FBXL17: variants seen among roughly 807,000 people sequenced by gnomAD.
FBXL17 encodes the protein F-box/LRR-repeat protein 17.
Under a neutral mutation model 66.2 loss-of-function variants are expected in FBXL17, and 22 were observed. That is an observed-to-expected ratio of 0.33 (90% CI 0.24 to 0.47). The LOEUF is 0.47. Among genes scored for constraint, FBXL17 ranks in the 20% least tolerant of loss-of-function variants. The probability of loss-of-function intolerance (pLI) is 1.00; values close to 1 mark genes in which losing one functional copy is unlikely to be tolerated. For missense variants in FBXL17, 878 were observed against 948.2 expected (o/e 0.93, Z 0.97); for synonymous variants, 474 against 400.5 (o/e 1.18, Z -2.19).
intron 6 of FBXL17, among the ~76,000 whole-genome samples, chr5:108,097,006 G>T (rs1749393697): frequency 6.6e-6 from 1 of 152,118 alleles, no homozygotes; most frequent in South Asian, 2.1e-4. Context: ...ATATGGTTTG[G>T]CTCTGTGTCC....
intron 4 of FBXL17, among the ~76,000 whole-genome samples, chr5:108,319,884 T>C (rs557220778): frequency 6.6e-6 from 1 of 151,834 alleles, no homozygotes; most frequent in South Asian, 2.1e-4. Context: ...AAGTGTGCAG[T>C]GAAAAATAAA....
intron 3 of FBXL17, among the ~76,000 whole-genome samples, chr5:108,363,842 CAAAGT>C (rs1356369387): frequency 1.3e-5 from 2 of 151,834 alleles, no homozygotes; most frequent in African/African-American, 4.8e-5. Flanking sequence ...AAATTTCCAT[CAAAGT>C]AAATAAAATC....
chr5:108,024,598 A>T (rs1409953058), intron 6 of FBXL17, among the ~76,000 whole-genome samples: 14 of 151,978 alleles, frequency 9.2e-5, no homozygotes, highest in African/African-American at 2.9e-4. Context: ...GAAGAGAATT[A>T]AAAAAAAGAC....
At chr5:108,210,872 T>C (rs188351546) in intron 5 of FBXL17, among the ~76,000 whole-genome samples, 1 of 152,226 alleles carries the variant, frequency 6.6e-6, no homozygotes, top group African/African-American at 2.4e-5. Context: ...TCCTTGTAAA[T>C]TTTCTGTCTC....
At chr5:107,897,684 C>T (rs1749428004) in intron 7 of FBXL17, among the ~76,000 whole-genome samples, 1 of 151,872 alleles carries the variant, frequency 6.6e-6, no homozygotes, top group African/African-American at 2.4e-5. Flanking sequence ...GTTCATTACA[C>T]ATGGTACTTT....
chr5:107,871,689 A>C (rs1245635937), intron 8 of FBXL17, among the ~76,000 whole-genome samples: 1 of 151,884 alleles, frequency 6.6e-6, no homozygotes, highest in Non-Finnish European at 1.5e-5. Flanking sequence ...AGGATGGAGA[A>C]AGTTGCTTGG....
chr5:107,869,127 ACTT>A (rs1748372122), intron 8 of FBXL17, among the ~76,000 whole-genome samples: 2 of 152,158 alleles, frequency 1.3e-5, no homozygotes, highest in Admixed American at 6.5e-5. Context: ...AGGGCTTGGG[ACTT>A]CACACTGGTC....
At chr5:108,228,934 G>T (rs1312603906) in intron 4 of FBXL17, among the ~76,000 whole-genome samples, 1 of 152,178 alleles carries the variant, frequency 6.6e-6, no homozygotes, top group Non-Finnish European at 1.5e-5. Flanking sequence ...AATTTAATTT[G>T]TTGGGTACAG....
At chr5:108,136,402 A>T (rs577686622) in intron 6 of FBXL17, among the ~76,000 whole-genome samples, 9 of 152,286 alleles carry the variant, frequency 5.9e-5, no homozygotes, top group African/African-American at 2.2e-4. Flanking sequence ...CAATGATAGC[A>T]AGTTTCTGTA....
intron 7 of FBXL17, among the ~76,000 whole-genome samples, chr5:107,935,859 T>G (rs993277077): frequency 1.3e-5 from 2 of 152,034 alleles, no homozygotes; most frequent in African/African-American, 4.8e-5. Flanking sequence ...CATAGCAACC[T>G]GAAAGGGTGG....
intron 6 of FBXL17, among the ~76,000 whole-genome samples, chr5:108,037,446 G>T (rs1276450481): frequency 6.6e-6 from 1 of 152,136 alleles, no homozygotes; most frequent in Non-Finnish European, 1.5e-5. Context: ...GGTAGATGAG[G>T]TAAACAATAT....
At chr5:108,368,167 G>A (rs984797057) in intron 1 of FBXL17, among the ~76,000 whole-genome samples, 13 of 152,046 alleles carry the variant, frequency 8.6e-5, no homozygotes, top group African/African-American at 3.1e-4. Context: ...TGTAAGAAGA[G>A]GAGGGGAAGA....
chr5:108,357,949 G>A (rs929227202), intron 3 of FBXL17, among the ~76,000 whole-genome samples: 2 of 152,080 alleles, frequency 1.3e-5, no homozygotes, highest in Non-Finnish European at 2.9e-5. Flanking sequence ...ACTTTTGGAT[G>A]CTGTTGTAAA....
At chr5:108,345,342 GAAAA>G (rs566110137) in intron 4 of FBXL17, among the ~76,000 whole-genome samples, 1 of 138,242 alleles carries the variant, frequency 7.2e-6, no homozygotes, top group Non-Finnish European at 1.6e-5. Flanking sequence ...ATCTCAAAAA[GAAAA>G]AAAAAAGAAA....
At chr5:108,108,338 T>A (rs1749890236) in intron 6 of FBXL17, among the ~76,000 whole-genome samples, 2 of 152,204 alleles carry the variant, frequency 1.3e-5, no homozygotes, top group Non-Finnish European at 2.9e-5. Flanking sequence ...ACTCCAGTGC[T>A]AACAATAGGG....
chr5:108,356,300 G>A (rs115419236), intron 3 of FBXL17, among the ~76,000 whole-genome samples: 5 of 152,200 alleles, frequency 3.3e-5, no homozygotes, highest in Non-Finnish European at 7.4e-5. Flanking sequence ...AAGACTCTTA[G>A]CACATGATCC....
chr5:107,975,857 G>GT (rs1554053909), intron 7 of FBXL17, among the ~76,000 whole-genome samples: 1,289 of 79,866 alleles, frequency 0.016, 12 homozygotes, highest in African/African-American at 0.025. Context: ...TGTTGTTGTT[G>GT]TTTTTTTTTT....
At chr5:108,212,502 T>C (rs760254788) in intron 5 of FBXL17, among the ~76,000 whole-genome samples, 5 of 152,138 alleles carry the variant, frequency 3.3e-5, no homozygotes, top group Admixed American at 6.6e-5. Context: ...TCGTGACCTC[T>C]GAATGGGGTC....
chr5:107,909,669 T>A (rs1749884707), intron 7 of FBXL17, among the ~76,000 whole-genome samples: 1 of 152,152 alleles, frequency 6.6e-6, no homozygotes, highest in Non-Finnish European at 1.5e-5. Flanking sequence ...GAAAACATAA[T>A]GGCAGCATCT....
Sources: gnomAD v4.1 joint callset for allele counts (sites outside exome capture counted in the v4.1 genomes callset) on GRCh38, gnomAD v4.1.1 for gene constraint, MANE v1.5 for transcripts, NCBI Gene and HGNC (gene_info 2026-07-23, HGNC 2026-07-21) for gene names.